WWOX: variants seen among roughly 807,000 people sequenced by gnomAD.
The protein encoded by WWOX is WW domain containing oxidoreductase.
WWOX carries 69 observed loss-of-function variants against 46.2 expected under a neutral mutation model. The ratio of observed to expected loss-of-function variants is 1.49; its 90% CI spans 1.23 to 1.82. WWOX has a LOEUF of 1.82. Ranked by LOEUF, WWOX falls within the 40% of genes most tolerant of loss-of-function variation. The pLI is 0.00. For missense variants in WWOX, 919 were observed against 542.6 expected (o/e 1.69, Z -6.89); for synonymous variants, 359 against 202.6 (o/e 1.77, Z -6.56).
chr16:78,162,537 CACAT>C (rs2034830659), intron 4 of WWOX, among the ~76,000 whole-genome samples: 1 of 152,074 alleles, frequency 6.6e-6, no homozygotes, highest in Non-Finnish European at 1.5e-5. Flanking sequence ...TACACACACA[CACAT>C]ACATGTAGAC....
chr16:78,537,520 T>G (rs1372006825), intron 8 of WWOX, among the ~76,000 whole-genome samples: 2 of 152,212 alleles, frequency 1.3e-5, no homozygotes, highest in Admixed American at 1.3e-4. Context: ...ATGATTTACC[T>G]CTTCTCTTGT....
At chr16:79,083,359 G>C (rs1160418363) in intron 8 of WWOX, among the ~76,000 whole-genome samples, 6 of 152,184 alleles carry the variant, frequency 3.9e-5, no homozygotes, top group Admixed American at 3.9e-4. Context: ...GCAATGTTCA[G>C]ATGAAACCCA....
chr16:79,099,932 G>T (rs1321634411), intron 8 of WWOX, among the ~76,000 whole-genome samples: 1 of 152,156 alleles, frequency 6.6e-6, no homozygotes, highest in Non-Finnish European at 1.5e-5. Flanking sequence ...CCATACAGTG[G>T]GCAGTCGAGA....
intron 8 of WWOX, among the ~76,000 whole-genome samples, chr16:78,887,591 G>A (rs2044494865): frequency 6.6e-6 from 1 of 151,390 alleles, no homozygotes; most frequent in Admixed American, 6.6e-5. Context: ...TGAACAAGTG[G>A]CTGAAAATGC....
Position 79,211,889 on chromosome 16 carries a change from A to G in WWOX, c.*93A>G, listed in dbSNP as rs77897021. ...TGGGCCCCTTCCAAATGTCCCTCCA[A>G]CACAGATCCGCAAGAGTAAAGGAAA... On this transcript the variant is annotated 3_prime_UTR_variant, in exon 9 of 9. Transcript: ENST00000566780. 108,791 of 1,574,578 alleles carry G rather than the reference A, an allele frequency of 0.069. 4,528 individuals carry two copies. The highest frequency in any genetic ancestry group is 0.22 in the East Asian group (9,468 of 43,058).
intron 8 of WWOX, among the ~76,000 whole-genome samples, chr16:79,065,145 C>T (rs149873673): frequency 1.3e-5 from 2 of 152,088 alleles, no homozygotes; most frequent in Non-Finnish European, 2.9e-5. Flanking sequence ...GCAGATAAAC[C>T]GTAAAAACTT....
At chr16:79,020,796 A>G (rs1274490365) in intron 8 of WWOX, among the ~76,000 whole-genome samples, 1 of 152,154 alleles carries the variant, frequency 6.6e-6, no homozygotes, top group East Asian at 1.9e-4. Context: ...TGTGCTCTCC[A>G]TTACGGAATC....
chr16:78,898,382 CTATT>C (rs1401545295), intron 8 of WWOX: 5 of 152,082 alleles, frequency 3.3e-5, no homozygotes, highest in African/African-American at 1.2e-4. Flanking sequence ...TGTTCTAGCA[CTATT>C]TGTTCAAAGA....
chr16:78,883,973 T>G (rs2044397924), intron 8 of WWOX, among the ~76,000 whole-genome samples: 1 of 152,126 alleles, frequency 6.6e-6, no homozygotes, highest in South Asian at 2.1e-4. Context: ...TAAGTATATC[T>G]GATCCCCTAG....
At chr16:78,474,702 C>T (rs1468107140) in intron 8 of WWOX, among the ~76,000 whole-genome samples, 1 of 151,338 alleles carries the variant, frequency 6.6e-6, no homozygotes, top group East Asian at 1.9e-4. Context: ...AAGGAGAAAG[C>T]CTGCACCCCA....
chr16:78,974,947 C>T (rs529928372), intron 8 of WWOX, among the ~76,000 whole-genome samples: 5 of 152,242 alleles, frequency 3.3e-5, no homozygotes, highest in Admixed American at 6.5e-5. Context: ...GAGGCCTCTC[C>T]GGACCCAAAG....
At chr16:78,429,868 G>A (rs910513632) in intron 7 of WWOX, among the ~76,000 whole-genome samples, 1 of 152,194 alleles carries the variant, frequency 6.6e-6, no homozygotes, top group Non-Finnish European at 1.5e-5. Flanking sequence ...CCAGGCTACA[G>A]GAAAGATGGG....
intron 8 of WWOX, among the ~76,000 whole-genome samples, chr16:79,075,765 A>C (rs1029453065): frequency 2.0e-5 from 3 of 152,038 alleles, no homozygotes; most frequent in Non-Finnish European, 2.9e-5. Context: ...GTGATTTTTC[A>C]AGTAAGGTAA....
chr16:78,192,446 C>T (rs1165137981), intron 5 of WWOX, among the ~76,000 whole-genome samples: 1 of 145,424 alleles, frequency 6.9e-6, no homozygotes, highest in African/African-American at 2.6e-5. Context: ...GAGCCGAGAT[C>T]GCACCACTGC....
At chr16:79,074,437 T>TTTTTTGG (rs2048614702) in intron 8 of WWOX, among the ~76,000 whole-genome samples, 1 of 136,616 alleles carries the variant, frequency 7.3e-6, no homozygotes, top group Non-Finnish European at 1.5e-5. Flanking sequence ...TTTTTTTTTT[T>TTTTTTGG]TTTTTGGTCA....
At chr16:78,559,540 T>C (rs577860787) in intron 8 of WWOX, among the ~76,000 whole-genome samples, 3 of 152,362 alleles carry the variant, frequency 2.0e-5, no homozygotes, top group Non-Finnish European at 4.4e-5. Context: ...CTTGTTAATA[T>C]GGTTTCTTAT....
At chr16:78,833,644 A>G (rs887434146) in intron 8 of WWOX, among the ~76,000 whole-genome samples, 4 of 152,088 alleles carry the variant, frequency 2.6e-5, no homozygotes, top group Non-Finnish European at 5.9e-5. Flanking sequence ...TGCATTACTG[A>G]TGTGTTTAAG....
chr16:78,499,394 T>C (rs372467936), intron 8 of WWOX, among the ~76,000 whole-genome samples: 158 of 152,304 alleles, frequency 1.0e-3, no homozygotes, highest in African/African-American at 3.8e-3. Context: ...TGTGATAGTC[T>C]CATAGTCTTA....
At chr16:78,767,166 G>T (rs926291850) in intron 8 of WWOX, among the ~76,000 whole-genome samples, 1 of 149,656 alleles carries the variant, frequency 6.7e-6, no homozygotes, top group African/African-American at 2.5e-5. Context: ...TGTTGCCCAG[G>T]CTGGGGTGCA....
Sources: gnomAD v4.1 joint callset for allele counts (sites outside exome capture counted in the v4.1 genomes callset) on GRCh38, gnomAD v4.1.1 for gene constraint, MANE v1.5 for transcripts, NCBI Gene and HGNC (gene_info 2026-07-23, HGNC 2026-07-21) for gene names.